Variants in TCF4 observed in about 807,000 individuals in gnomAD.
TCF4 encodes transcription factor 4.
TCF4 carries 3 observed loss-of-function variants against 82.1 expected under a neutral mutation model. The observed-to-expected ratio is 0.04, with a 90% CI of 0.02 to 0.09. The LOEUF (loss-of-function observed/expected upper bound fraction) is 0.09, where lower values mean the gene tolerates loss of function less well. TCF4 is among the 10% of genes least tolerant of loss of function. The pLI is 1.00. For synonymous variants in TCF4, 276 were observed against 309.6 expected (o/e 0.89, Z 1.14); for missense variants, 518 against 852.7 (o/e 0.61, Z 4.89).
At chr18:55,538,024 G>GCACACA (rs201229643) in intron 3 of TCF4, among the ~76,000 whole-genome samples, 5 of 125,610 alleles carry the variant, frequency 4.0e-5, no homozygotes, top group African/African-American at 1.3e-4. Flanking sequence ...GTCTGCGCGC[G>GCACACA]CGCACACACA....
chr18:55,314,030 C>T (rs189438397), intron 8 of TCF4, among the ~76,000 whole-genome samples: 57 of 152,220 alleles, frequency 3.7e-4, no homozygotes, highest in Non-Finnish European at 6.8e-4. Context: ...CACCAATCCC[C>T]ACCCCATTTG....
At chr18:55,535,360 T>C (rs960763997) in intron 3 of TCF4, among the ~76,000 whole-genome samples, 7 of 152,206 alleles carry the variant, frequency 4.6e-5, no homozygotes, top group African/African-American at 1.7e-4. Flanking sequence ...ATTCAAACTC[T>C]GCACTAAAAT....
At chr18:55,588,614 T>G, upstream of TCF4, 1 of 1,493,822 alleles carries the variant, frequency 6.7e-7, no homozygotes. Flanking sequence ...TCCCTCTCAC[T>G]CACACATCCA....
Position 55,223,826 on chromosome 18 carries a change from C to CA in TCF4, c.*4208dup, listed in dbSNP as rs1248255239. ...AACAAAAACAAAAACAAAAACAAAA[C>CA]AAAAAACAAACAAAAAAGCTACCCA... On this transcript the variant is annotated 3_prime_UTR_variant, in exon 20 of 20. Transcript: ENST00000354452. The CA allele has an allele frequency of 1.3e-5, 2 of 149,880 alleles. No homozygotes were observed. Among genetic ancestry groups the CA allele is most frequent in the Admixed American group, 6.7e-5 (1 of 14,858 alleles). The allele number at this position is 149,880 out of a possible 1,614,324, so 9.3% of individuals were successfully genotyped here.
chr18:55,262,987 G>T (rs1296984434), intron 11 of TCF4, among the ~76,000 whole-genome samples: 1 of 152,064 alleles, frequency 6.6e-6, no homozygotes, highest in African/African-American at 2.4e-5. Context: ...CGTATTTTTA[G>T]TAGAGACAGG....
intron 3 of TCF4, among the ~76,000 whole-genome samples, chr18:55,584,581 C>T (rs1225810275): frequency 1.3e-5 from 2 of 152,090 alleles, no homozygotes; most frequent in Non-Finnish European, 2.9e-5. Flanking sequence ...TCACTGTGCA[C>T]ACAGATTCCT....
Position 55,614,235 on chromosome 18 carries a change from C to T in TCF4, c.286+17063G>A, listed in dbSNP as rs376207269. On this transcript the variant is annotated intron_variant, in intron 2 of 20. Transcript: ENST00000398339. The stretch of plus-strand genomic sequence containing the variant: ...TAAAGCTGCTGTGAACATTTGTACA[C>T]GAGTCTTTGTATGAACATGTGCCTT... Among the ~76,000 whole-genome samples the T allele has an allele frequency of 1.1e-3, 163 of 152,236 alleles. 4 individuals are homozygous for T. In the South Asian group the frequency reaches 0.031, roughly 29 times the overall value.
At chr18:55,436,870 CAA>C (rs2095340655) in intron 5 of TCF4, among the ~76,000 whole-genome samples, 1 of 152,174 alleles carries the variant, frequency 6.6e-6, no homozygotes, top group Non-Finnish European at 1.5e-5. Context: ...TAAAATCAAA[CAA>C]CTTGGAGTTT....
intron 5 of TCF4, among the ~76,000 whole-genome samples, chr18:55,411,619 T>C (rs987608131): frequency 2.6e-5 from 4 of 152,242 alleles, no homozygotes; most frequent in Non-Finnish European, 4.4e-5. Flanking sequence ...ATTCAATTCA[T>C]GGCTAAGAAA....
In TCF4 at chr18:55,403,522, C is replaced by A; in HGVS notation, c.305-4G>T. On this transcript the variant is annotated splice_polypyrimidine_tract_variant and splice_region_variant and intron_variant, in intron 5 of 19. Coordinates refer to ENST00000354452, the MANE Select transcript of TCF4 (RefSeq NM_001083962.2). ...TATGAGCCCCTTTCTGTTTTACCTG[C>A]CAAGAGAAACGACAAAAAAGTGTAA... 1.2e-6 allele frequency: 2 copies of A among 1,613,674 alleles called. No individual in the cohort carries two copies. The highest frequency in any genetic ancestry group is 1.7e-6 in the Non-Finnish European group (2 of 1,179,780).
intron 15 of TCF4, among the ~76,000 whole-genome samples, chr18:55,247,667 C>T (rs2053700460): frequency 6.6e-6 from 1 of 152,104 alleles, no homozygotes; most frequent in Non-Finnish European, 1.5e-5. Context: ...AAAAGGCATC[C>T]TTGCTAAACT....
In TCF4 at chr18:55,536,450, T is replaced by C. The variant is rs573773606; in HGVS notation, c.145+48830A>G. On this transcript the variant is annotated intron_variant, in intron 3 of 19. Coordinates refer to ENST00000354452, the MANE Select transcript of TCF4 (RefSeq NM_001083962.2). ...ATCTACAAAAGAACACAATTATACT[T>C]AATACAAACACAGTAACCTAGTGCC... Among the ~76,000 whole-genome samples the C allele has an allele frequency of 4.6e-5, 7 of 152,292 alleles. No homozygotes were observed. In the East Asian group the frequency reaches 1.4e-3, roughly 29 times the overall value.
chr18:55,440,212 A>G (rs1471882911), intron 5 of TCF4, among the ~76,000 whole-genome samples: 2 of 152,170 alleles, frequency 1.3e-5, no homozygotes, highest in Non-Finnish European at 2.9e-5. Flanking sequence ...TAGTCTAACA[A>G]ATTAACTAGA....
chr18:55,399,953 G>A (rs17509991), intron 6 of TCF4, among the ~76,000 whole-genome samples: 8,919 of 144,958 alleles, frequency 0.062, 460 homozygotes, highest in African/African-American at 0.14. Flanking sequence ...CATGGCTTTA[G>A]ACCTGGGCTA....
At chr18:55,362,963 C>A (rs1337867361) in intron 6 of TCF4, among the ~76,000 whole-genome samples, 1 of 152,070 alleles carries the variant, frequency 6.6e-6, no homozygotes, top group Non-Finnish European at 1.5e-5. Context: ...AAAAGAAAAT[C>A]TTTTCACACA....
intron 3 of TCF4, among the ~76,000 whole-genome samples, chr18:55,536,346 G>A (rs1399335584): frequency 6.6e-6 from 1 of 152,160 alleles, no homozygotes; most frequent in Non-Finnish European, 1.5e-5. Context: ...ACAACAGTAA[G>A]GGTGGGAGGA....
intron 3 of TCF4, among the ~76,000 whole-genome samples, chr18:55,562,445 A>G (rs2097363298): frequency 6.6e-6 from 1 of 152,244 alleles, no homozygotes; most frequent in Admixed American, 6.5e-5. Flanking sequence ...GTATATTTGA[A>G]CCAGTGTCCT....
chr18:55,562,248 C>T (rs2147335001), intron 3 of TCF4, among the ~76,000 whole-genome samples: 1 of 152,302 alleles, frequency 6.6e-6, no homozygotes, highest in East Asian at 1.9e-4. Context: ...CTCTAGTCCA[C>T]ATCATTCTAC....
intron 9 of TCF4, among the ~76,000 whole-genome samples, chr18:55,276,045 G>A (rs1439068374): frequency 3.9e-5 from 6 of 152,058 alleles, no homozygotes; most frequent in Admixed American, 3.9e-4. Flanking sequence ...TACTGCTAAA[G>A]GAAACATTTC....
Sources: gnomAD v4.1 joint callset for allele counts (sites outside exome capture counted in the v4.1 genomes callset) on GRCh38, gnomAD v4.1.1 for gene constraint, MANE v1.5 for transcripts, NCBI Gene and HGNC (gene_info 2026-07-23, HGNC 2026-07-21) for gene names.